QSOX2: variants seen among roughly 807,000 people sequenced by gnomAD.
QSOX2 encodes the protein quiescin sulfhydryl oxidase 2.
A neutral mutation model predicts 61.7 loss-of-function variants in QSOX2; 46 were observed. The observed-to-expected ratio is 0.75, with a 90% CI of 0.59 to 0.95. The LOEUF (loss-of-function observed/expected upper bound fraction) is 0.95. QSOX2 is among the 40% of genes least tolerant of loss of function. The probability of loss-of-function intolerance (pLI) is 0.00; values close to 1 mark genes in which losing one functional copy is unlikely to be tolerated. For synonymous variants in QSOX2, 383 were observed against 388.4 expected (o/e 0.99, Z 0.16); for missense variants, 879 against 918.9 (o/e 0.96, Z 0.56).
At chr9:136,210,827 T>C in intron 11 of QSOX2, 1 of 984,952 alleles carries the variant, frequency 1.0e-6, no homozygotes, top group African/African-American at 1.7e-5. Context: ...TGTGCCCTAT[T>C]TAATTATTTT....
At chr9:136,214,608 G>T (rs995956386) in intron 10 of QSOX2, among the ~76,000 whole-genome samples, 3 of 152,208 alleles carry the variant, frequency 2.0e-5, no homozygotes, top group Non-Finnish European at 4.4e-5. Context: ...GTGCTGGGAA[G>T]CCACTCTCCC....
chr9:136,229,093 A>G (rs1326618767), intron 1 of QSOX2, among the ~76,000 whole-genome samples: 1 of 152,238 alleles, frequency 6.6e-6, no homozygotes, highest in Non-Finnish European at 1.5e-5. Flanking sequence ...ATTTAAAAAT[A>G]AAAAAGAAAG....
Position 136,223,136 on chromosome 9 carries a change from G to A in QSOX2, c.675+627C>T, listed in dbSNP as rs2131057797. On this transcript the variant is annotated intron_variant, in intron 5 of 11. Transcript: ENST00000358701. This position sits in a 1 kb window ranked among gnomAD's most constrained non-coding sequence, Gnocchi z 4.4. ...GCCCCTCACAGTGGACAGAAAAACA[G>A]TCGCCTATCAAGTTGCAAGGAGGAG... 6.6e-6 allele frequency among the ~76,000 whole-genome samples: 1 copy of A among 152,306 alleles called. No individual in the cohort carries two copies. The highest frequency in any genetic ancestry group is 1.5e-5 in the Non-Finnish European group (1 of 68,022).
chr9:136,230,235 C>T (rs1231020204), intron 1 of QSOX2, among the ~76,000 whole-genome samples: 3 of 152,182 alleles, frequency 2.0e-5, no homozygotes, highest in South Asian at 2.1e-4. Flanking sequence ...GCCAAGATAG[C>T]GCCACTGCAC....
intron 10 of QSOX2, among the ~76,000 whole-genome samples, chr9:136,211,986 G>A (rs886223027): frequency 2.0e-5 from 3 of 152,254 alleles, no homozygotes; most frequent in Non-Finnish European, 4.4e-5. Context: ...ACGGCCTTAG[G>A]AAGTGACTCT....
intron 1 of QSOX2, among the ~76,000 whole-genome samples, chr9:136,239,607 A>C (rs1830418439): frequency 6.6e-6 from 1 of 152,278 alleles, no homozygotes; most frequent in Admixed American, 6.5e-5. Flanking sequence ...CACACACTGC[A>C]GGGCGAGGGA....
At chr9:136,233,493 T>G (rs770145267) in intron 1 of QSOX2, among the ~76,000 whole-genome samples, 7 of 152,100 alleles carry the variant, frequency 4.6e-5, no homozygotes, top group Non-Finnish European at 8.8e-5. Flanking sequence ...AGAGGAAACA[T>G]GATGACAGCT....
rs557679703 is a variant in QSOX2 at position 136,208,528 on chromosome 9, C to G, written c.*200G>C. 5 of 589,146 alleles carry G rather than the reference C, an allele frequency of 8.5e-6. No homozygotes were observed. In the South Asian group the frequency reaches 1.1e-4, roughly 13 times the overall value. The allele number at this position is 589,146 out of a possible 1,614,324, so 36.5% of individuals were successfully genotyped here. Reference sequence around the variant, plus strand: ...TGAGTACGCCAGGAATGCAAATATCCCCACAAAATTACCCCGTGTTCTTCC... The same window carrying G: ...TGAGTACGCCAGGAATGCAAATATCGCCACAAAATTACCCCGTGTTCTTCC... On this transcript the variant is annotated 3_prime_UTR_variant, in exon 12 of 12. Coordinates refer to ENST00000358701, the MANE Select transcript of QSOX2 (RefSeq NM_181701.4).
intron 6 of QSOX2, 115 bp from the exon 7 acceptor site, chr9:136,219,279 T>G (rs768925114): frequency 5.3e-5 from 69 of 1,300,484 alleles, no homozygotes; most frequent in Non-Finnish European, 6.3e-5. Context: ...GGGCATTTAT[T>G]GGGGCATGGG....
chr9:136,210,738 G>C (rs1831833906), intron 11 of QSOX2: 1 of 985,058 alleles, frequency 1.0e-6, no homozygotes, highest in Non-Finnish European at 1.2e-6. Context: ...AGATTTCTCA[G>C]TGGAATTATT....
At chr9:136,238,125 G>C (rs2131069341) in intron 1 of QSOX2, among the ~76,000 whole-genome samples, 1 of 152,342 alleles carries the variant, frequency 6.6e-6, no homozygotes, top group South Asian at 2.1e-4. Flanking sequence ...CACAGCCCTT[G>C]GGCGAGCCTG....
At chr9:136,216,922 C>A (rs952219858) in intron 8 of QSOX2, among the ~76,000 whole-genome samples, 200 bp from the exon 9 acceptor site, 30 of 152,246 alleles carry the variant, frequency 2.0e-4, no homozygotes, top group African/African-American at 7.0e-4. Context: ...GCCTGCGCCT[C>A]TCCCCAGGAC....
chr9:136,211,432 C>A lies in QSOX2; in HGVS notation c.1381G>T (p.Ala461Ser), dbSNP rs1480267916. Reference sequence around the variant, plus strand: ...TACCTCCTCATTGTCTGCAGCACAGCCTGGGGGTCGTCTTCAAAGCCTGCA... The same window carrying A: ...TACCTCCTCATTGTCTGCAGCACAGACTGGGGGTCGTCTTCAAAGCCTGCA... ...VGTGFEDDPQ[A>S]VLQTMRRYVH... The change falls in exon 11 of 12, where the codon GCT (alanine) becomes TCT (serine). Residue 461 changes from alanine to serine, a missense_variant. By Grantham distance (99) the Ala-to-Ser change is moderately conservative (BLOSUM62 1). Coordinates refer to ENST00000358701, the MANE Select transcript of QSOX2 (RefSeq NM_181701.4). 6.2e-7 allele frequency: 1 copy of A among 1,613,812 alleles called. No individual in the cohort carries two copies. Among genetic ancestry groups the A allele is most frequent in the African/African-American group, 1.3e-5 (1 of 74,938 alleles).
chr9:136,209,089 C>T lies in QSOX2; in HGVS notation c.1736G>A (p.Ser579Asn). 1 of 1,614,182 alleles carries T rather than the reference C, an allele frequency of 6.2e-7. No individual in the cohort carries two copies. Among genetic ancestry groups the T allele is most frequent in the Non-Finnish European group, 8.5e-7 (1 of 1,180,030 alleles). ...DTYSADQGDS[S>N]EGGTLARGEE... Reference sequence around the variant, plus strand: ...ACCCCTGGCCAGGGTTCCTCCTTCACTGGAATCCCCCTGGTCTGCGGAATA... The same window carrying T: ...ACCCCTGGCCAGGGTTCCTCCTTCATTGGAATCCCCCTGGTCTGCGGAATA... Residue 579 changes from serine (S) to asparagine (N), a missense_variant, in exon 12 of 12, where the codon AGT (serine) becomes AAT (asparagine). Physicochemically the swap from Ser to Asn is conservative, Grantham distance 46 (BLOSUM62 1). Transcript: ENST00000358701. The surrounding 1 kb of genome is among the most constrained non-coding windows in gnomAD (Gnocchi z 5.6).
chr9:136,214,960 G>A (rs1319358206), intron 10 of QSOX2, among the ~76,000 whole-genome samples, 194 bp downstream of exon 10: 1 of 152,204 alleles, frequency 6.6e-6, no homozygotes, highest in Non-Finnish European at 1.5e-5. Context: ...TTCTGACAAG[G>A]GGAACTCGTG....
chr9:136,241,900 C>G (rs560118898), intron 1 of QSOX2, among the ~76,000 whole-genome samples: 18 of 152,350 alleles, frequency 1.2e-4, no homozygotes, highest in African/African-American at 3.6e-4. Context: ...AGAGGGCGCA[C>G]GGGGACACAG....
rs750274143 is a variant in QSOX2 at position 136,221,798 on chromosome 9, G to A, written c.819C>T (p.Asn273=). ...CCAGACCCCACCCGGGCACTCACAC[G>A]TTAATCAATCCATGCGACCCATTTG... ...IYPNGSHGLI[N]VVKPLRAFFS... Residue 273 remains asparagine, a splice_region_variant and synonymous_variant, in exon 6 of 12, where the codon AAC becomes AAT. Transcript: ENST00000358701. The surrounding 1 kb of genome is among the most constrained non-coding windows in gnomAD (Gnocchi z 4.5). 17 of 1,600,212 alleles carry A rather than the reference G, an allele frequency of 1.1e-5. No individual in the cohort carries two copies. The South Asian group carries it at 1.2e-4, about 12-fold the overall frequency.
chr9:136,227,581 T>A (rs1362829875), intron 1 of QSOX2, among the ~76,000 whole-genome samples: 1 of 152,164 alleles, frequency 6.6e-6, no homozygotes, highest in Non-Finnish European at 1.5e-5. Context: ...TCAAGGTGAA[T>A]CCTGTTTTGC....
chr9:136,212,455 G>T (rs923071313), intron 10 of QSOX2, among the ~76,000 whole-genome samples: 1 of 152,256 alleles, frequency 6.6e-6, no homozygotes, highest in Non-Finnish European at 1.5e-5. Context: ...ACACAGCTGC[G>T]TGCAGGCCCT....
Sources: allele counts gnomAD v4.1 joint callset (sites outside exome capture counted in the v4.1 genomes callset), GRCh38; gene constraint gnomAD v4.1.1; non-coding constraint Gnocchi (gnomAD v3.1); transcripts MANE v1.5; gene names NCBI Gene and HGNC (gene_info 2026-07-23, HGNC 2026-07-21).